The following GPR179 variants were observed in gnomAD, a reference collection of about 807,000 sequenced individuals.
GPR179 encodes the protein G protein-coupled receptor 179.
Under a neutral mutation model 70.8 loss-of-function variants are expected in GPR179, and 52 were observed. The observed-to-expected ratio is 0.73, with a 90% CI of 0.59 to 0.93. GPR179 has a LOEUF of 0.93. Ranked by LOEUF, GPR179 falls within the 40% of genes least tolerant of loss-of-function variation. The pLI, the probability that GPR179 is intolerant of heterozygous loss-of-function variation, is 0.00. For synonymous variants in GPR179, 1,123 were observed against 1,169.0 expected, an observed-to-expected ratio of 0.96 and a Z score of 0.80; for missense variants, 2,734 against 2,966.8, an observed-to-expected ratio of 0.92 and a Z score of 1.82.
rs750885493 is a variant in GPR179 at position 38,330,622 on chromosome 17, G to C, written c.2947C>G (p.Pro983Ala). 5 of 1,580,680 alleles carry C rather than the reference G, an allele frequency of 3.2e-6. No individual in the cohort carries two copies. Among genetic ancestry groups the C allele is most frequent in the Non-Finnish European group, 4.3e-6 (5 of 1,163,950 alleles). ...TAGGTGAGTAAGTTGGGGCTTTGTG[G>C]GGATACTGGGACTGGTGCCAGGGCA... is the stretch of plus-strand genomic sequence containing the variant. Reference protein sequence around the residue: ...APALAPVPVSPQSPNLLTYIC... With the variant: ...APALAPVPVSAQSPNLLTYIC... Residue 983 changes from proline to alanine, a missense_variant, in exon 11 of 11, where the codon CCA becomes GCA. Physicochemically the swap from Pro to Ala is conservative, Grantham distance 27 (BLOSUM62 -1). Coordinates refer to ENST00000616987, the MANE Select transcript of GPR179 (RefSeq NM_001004334.4).
chr17:38,340,946 C>T (rs1171965337), intron 1 of GPR179, among the ~76,000 whole-genome samples: 1 of 151,306 alleles, frequency 6.6e-6, no homozygotes, highest in African/African-American at 2.5e-5. Context: ...AACAAACAAA[C>T]AAAAAACTTT....
rs752849159 is a variant in GPR179 at position 38,330,763 on chromosome 17, G to T, written c.2806C>A (p.Gln936Lys). 4 of 1,589,656 alleles carry T rather than the reference G, an allele frequency of 2.5e-6. No homozygotes were observed. Among genetic ancestry groups the T allele is most frequent in the Non-Finnish European group, 3.4e-6 (4 of 1,165,638 alleles). Residue 936 changes from glutamine (Q) to lysine (K), a missense_variant, in exon 11 of 11, where the codon CAG becomes AAG. Physicochemically the swap from Gln to Lys is moderately conservative, Grantham distance 53. Transcript: ENST00000616987. Reference protein sequence around the residue: ...RRLPHPPIRHQVSTPILALSG... With the variant: ...RRLPHPPIRHKVSTPILALSG... ...AGGGCCAAGATGGGGGTAGAAACCTGGTGCCTGATGGGTGGATGAGGCAGC... is the reference window on the plus strand; with the variant it reads ...AGGGCCAAGATGGGGGTAGAAACCTTGTGCCTGATGGGTGGATGAGGCAGC...
Position 38,327,239 on chromosome 17 carries a change from C to T in GPR179, c.6330G>A (p.Arg2110=). 1 of 1,614,260 alleles carries T rather than the reference C, an allele frequency of 6.2e-7. No homozygotes were observed. Among genetic ancestry groups the T allele is most frequent in the Non-Finnish European group, 8.5e-7 (1 of 1,180,044 alleles). The stretch of plus-strand genomic sequence containing the variant: ...CTTCCCACAGACACACTTCCGCTAC[C>T]CTGGTCTCCACACTGCCTGCTGCCT... ...SSEAAGSVET[R]VAEVCLWEVV... is the part of the protein sequence containing the mutation. The change falls in exon 11 of 11, where the codon AGG becomes AGA. Residue 2110 remains arginine (R), a synonymous_variant. Coordinates refer to ENST00000616987, the MANE Select transcript of GPR179 (RefSeq NM_001004334.4).
At position 38,326,421 on chromosome 17, in the gene GPR179, C is replaced by T. The variant is rs1489226368; in HGVS notation, c.*44G>A. The T allele has an allele frequency of 6.9e-7, 1 of 1,444,598 alleles. No homozygotes were observed. The highest frequency in any genetic ancestry group is 9.5e-7 in the Non-Finnish European group (1 of 1,058,080). The allele number at this position is 1,444,598 out of a possible 1,614,324, so 89.5% of individuals were successfully genotyped here. On this transcript the variant is annotated 3_prime_UTR_variant, in exon 11 of 11. Coordinates refer to ENST00000616987, the MANE Select transcript of GPR179 (RefSeq NM_001004334.4). The stretch of plus-strand genomic sequence containing the variant: ...CACCTGGACTTGGAAAGGGCCTTGG[C>T]TCCTGAAAGCTAGCTCTGTGTTTGA...
At position 38,331,438 on chromosome 17, in the gene GPR179, AG is replaced by A. The variant is rs746975435; in HGVS notation, c.2130del (p.Ser711HisfsTer10). ...NNPHLPKKRG[S>X]SCQGLGRSFM... ...AAGGAGCGGCCCAGTCCCTGGCATG[AG>A]CTGCCTCGCTTCTTGGGCAGGTGGG... is the stretch of plus-strand genomic sequence containing the variant. On this transcript the variant is annotated frameshift_variant, in exon 11 of 11. Coordinates refer to ENST00000616987, the MANE Select transcript of GPR179 (RefSeq NM_001004334.4). LOFTEE classifies it low-confidence loss of function (END_TRUNC). 6.2e-7 allele frequency: 1 copy of A among 1,614,120 alleles called. No homozygotes were observed. The highest frequency in any genetic ancestry group is 1.1e-5 in the South Asian group (1 of 91,088).
Position 38,331,400 on chromosome 17 carries a change from C to T in GPR179, c.2169G>A (p.Leu723=). The change falls in exon 11 of 11, where the codon CTG becomes CTA. Residue 723 remains leucine (L), a synonymous_variant. Coordinates refer to ENST00000616987, the MANE Select transcript of GPR179 (RefSeq NM_001004334.4). The stretch of plus-strand genomic sequence containing the variant: ...TGGCCAGGGCCTCGGGGAATTCCGC[C>T]AGGTACCTCATGAAGGAGCGGCCCA... The part of the protein sequence containing the change: ...QGLGRSFMRY[L]AEFPEALARQ... 1.2e-6 allele frequency: 2 copies of T among 1,614,110 alleles called. No individual in the cohort carries two copies. The highest frequency in any genetic ancestry group is 1.7e-5 in the Admixed American group (1 of 60,024).
In GPR179 at chr17:38,343,296, T is replaced by G; in HGVS notation, c.494A>C (p.Gln165Pro). 6.2e-7 allele frequency: 1 copy of G among 1,614,132 alleles called. No homozygotes were observed. The highest frequency in any genetic ancestry group is 8.5e-7 in the Non-Finnish European group (1 of 1,180,006). ...PGASHLQLALQATRTGEETIL... is the reference protein window; with the variant it reads ...PGASHLQLALPATRTGEETIL... ...GGTTTCCTCCCCAGTCCGGGTGGCC[T>G]GCAGGGCCAGCTGTAGGTGGCTGGC... Residue 165 changes from glutamine to proline, a missense_variant, in exon 1 of 11, where the codon CAG (glutamine) becomes CCG (proline). Transcript: ENST00000616987. The surrounding 1 kb of genome is among the most constrained non-coding windows in gnomAD (Gnocchi z 4.2).
chr17:38,326,980 A>T lies in GPR179; in HGVS notation c.6589T>A (p.Ser2197Thr). 1 of 1,614,050 alleles carries T rather than the reference A, an allele frequency of 6.2e-7. No homozygotes were observed. Among genetic ancestry groups the T allele is most frequent in the Non-Finnish European group, 8.5e-7 (1 of 1,180,008 alleles). Reference sequence around the variant, plus strand: ...TTGAGTTCTGGGTCCAGGGCACCTGACTGGGGCAAGAGCCCTCCTGAGCCT... The same window carrying T: ...TTGAGTTCTGGGTCCAGGGCACCTGTCTGGGGCAAGAGCCCTCCTGAGCCT... ...GTGSGGLLPQ[S>T]GALDPELKVS... Residue 2197 changes from serine (S) to threonine (T), a missense_variant, in exon 11 of 11, where the codon TCA (serine) becomes ACA (threonine). By Grantham distance (58) the Ser-to-Thr change is moderately conservative (BLOSUM62 1). Transcript: ENST00000616987.
In GPR179 at chr17:38,326,588, C is replaced by T. The variant is rs774464452; in HGVS notation, c.6981G>A (p.Glu2327=). The change falls in exon 11 of 11, where the codon GAG becomes GAA. Residue 2327 remains glutamate (E), a synonymous_variant. Coordinates refer to ENST00000616987, the MANE Select transcript of GPR179 (RefSeq NM_001004334.4). Reference sequence around the variant, plus strand: ...GAGACTCAGCTTCCTGGAGACTTGGCTCTGGGGCTAAGCTGGTCCTTGGCT... The same window carrying T: ...GAGACTCAGCTTCCTGGAGACTTGGTTCTGGGGCTAAGCTGGTCCTTGGCT... The part of the protein sequence containing the change: ...GLEPRTSLAP[E]PSLQEAESQS... 4 of 1,614,088 alleles carry T rather than the reference C, an allele frequency of 2.5e-6. No individual in the cohort carries two copies. The East Asian group carries it at 8.9e-5, about 36-fold the overall frequency.
chr17:38,333,868 C>A (rs1413416383), intron 9 of GPR179, 65 bp downstream of exon 9: 1 of 1,280,014 alleles, frequency 7.8e-7, no homozygotes. Context: ...GCGGGACAAC[C>A]GCTCCACAGT....
intron 1 of GPR179, among the ~76,000 whole-genome samples, chr17:38,341,031 A>C (rs972478637): frequency 2.0e-5 from 3 of 152,190 alleles, no homozygotes; most frequent in African/African-American, 7.2e-5. Context: ...CCTTATGATG[A>C]GTGAGGAAAG....
In GPR179 at chr17:38,324,977, CCT is replaced by C. The variant is rs780766697; in HGVS notation, c.*1486_*1487del. Among the ~76,000 whole-genome samples, 157 of 151,992 alleles carry C rather than the reference CCT, an allele frequency of 1.0e-3. 1 individual carries two copies. The highest frequency in any genetic ancestry group is 6.8e-3 in the Middle Eastern group (2 of 294). Reference sequence around the variant, plus strand: ...TTTTTCCCTTTGGGTATTTGGTCTCCCTGTTTGTCTTTTTCTCCCCATGAATG... The same window carrying C: ...TTTTTCCCTTTGGGTATTTGGTCTCCGTTTGTCTTTTTCTCCCCATGAATG... On this transcript the variant is annotated 3_prime_UTR_variant, in exon 11 of 11. Coordinates refer to ENST00000616987, the MANE Select transcript of GPR179 (RefSeq NM_001004334.4).
Position 38,329,807 on chromosome 17 carries a change from A to G in GPR179, c.3762T>C (p.Arg1254=). ...CPWEVTESET[R]QPDSGNKAEI... ...CGGCCTTGTTGCCACTGTCTGGCTG[A>G]CGCGTTTCTGATTCAGTGACCTCCC... Residue 1254 remains arginine, a synonymous_variant, in exon 11 of 11, where the codon CGT becomes CGC. Transcript: ENST00000616987. The G allele has an allele frequency of 6.2e-7, 1 of 1,613,870 alleles. No homozygotes were observed. The highest frequency in any genetic ancestry group is 8.5e-7 in the Non-Finnish European group (1 of 1,179,972).
chr17:38,335,357 G>T, intron 6 of GPR179, 86 bp from the exon 7 acceptor site: 2 of 1,027,034 alleles, frequency 1.9e-6, no homozygotes, highest in Non-Finnish European at 2.9e-6. Flanking sequence ...TCTGTCCATT[G>T]CTGCCCTCTC....
At chr17:38,336,578 C>A (rs1210730750) in intron 4 of GPR179, among the ~76,000 whole-genome samples, 1 of 152,226 alleles carries the variant, frequency 6.6e-6, no homozygotes, top group Non-Finnish European at 1.5e-5. Context: ...CTTTCCCATG[C>A]CATCTCAGGC....
chr17:38,339,380 G>A (rs1206398199), intron 2 of GPR179, 37 bp downstream of exon 2: 4 of 1,334,840 alleles, frequency 3.0e-6, no homozygotes, highest in East Asian at 4.6e-5. Context: ...GAGGGAGGCA[G>A]GACTCTAGTA....
chr17:38,342,207 C>T (rs2144280705), intron 1 of GPR179, among the ~76,000 whole-genome samples: 1 of 152,276 alleles, frequency 6.6e-6, no homozygotes, highest in African/African-American at 2.4e-5. Flanking sequence ...GGAGTGCCCA[C>T]CCAGCTCTCC....
rs1460486997 is a variant in GPR179 at position 38,330,392 on chromosome 17, A to G, written c.3177T>C (p.Asn1059=). Residue 1059 remains asparagine (N), a synonymous_variant, in exon 11 of 11, where the codon AAT becomes AAC. Coordinates refer to ENST00000616987, the MANE Select transcript of GPR179 (RefSeq NM_001004334.4). ...AEDAHHQREA[N]DVDEDRPKIF... ...TCTTGGGCCTGTCTTCGTCCACATC[A>G]TTAGCTTCCCTCTGGTGATGTGCAT... 2.5e-6 allele frequency: 4 copies of G among 1,611,658 alleles called. No individual in the cohort carries two copies. The highest frequency in any genetic ancestry group is 3.4e-6 in the Non-Finnish European group (4 of 1,178,744).
Position 38,330,976 on chromosome 17 carries a change from G to T in GPR179, c.2593C>A (p.Gln865Lys). The T allele has an allele frequency of 6.2e-7, 1 of 1,612,254 alleles. No homozygotes were observed. ...SQAYLEETYR[Q>K]AKEREERKKA... ...TTCCGCTCCTCCCGCTCCTTTGCTT[G>T]CCGGTAGGTCTCCTCCAGGTAGGCC... The change falls in exon 11 of 11, where the codon CAA becomes AAA. Residue 865 changes from glutamine to lysine, a missense_variant. By Grantham distance (53) the Gln-to-Lys change is moderately conservative (BLOSUM62 1). Coordinates refer to ENST00000616987, the MANE Select transcript of GPR179 (RefSeq NM_001004334.4).
Sources: allele counts gnomAD v4.1 joint callset (sites outside exome capture counted in the v4.1 genomes callset), GRCh38; gene constraint gnomAD v4.1.1; non-coding constraint Gnocchi (gnomAD v3.1); transcripts MANE v1.5; gene names NCBI Gene and HGNC (gene_info 2026-07-23, HGNC 2026-07-21).